The following DOP1B variants were observed in gnomAD, a reference collection of about 807,000 sequenced individuals.
DOP1B encodes DOP1 leucine zipper like protein B.
In DOP1B, 174 loss-of-function variants were observed where a neutral mutation model predicts 233.5. The ratio of observed to expected loss-of-function variants is 0.75; its 90% CI spans 0.66 to 0.85. DOP1B has a LOEUF of 0.85. DOP1B is among the 40% of genes least tolerant of loss of function. The probability of loss-of-function intolerance (pLI) is 0.00; values close to 1 mark genes in which losing one functional copy is unlikely to be tolerated. For missense variants in DOP1B, 2,652 were observed against 2,846.6 expected (o/e 0.93, Z 1.56); for synonymous variants, 1,190 against 1,185.6 (o/e 1.00, Z -0.08).
Position 36,249,086 on chromosome 21 carries a change from C to G in DOP1B, c.4998+518C>G, listed in dbSNP as rs557488465. On this transcript the variant is annotated intron_variant, in intron 21 of 36. Coordinates refer to ENST00000691173, the MANE Select transcript of DOP1B (RefSeq NM_001320714.2). Reference sequence around the variant, plus strand: ...CACCACTGCACCCCAGCCTGGGCAACAGAGCAAAACCCCATCTCAAAAAAA... The same window carrying G: ...CACCACTGCACCCCAGCCTGGGCAAGAGAGCAAAACCCCATCTCAAAAAAA... 2.6e-5 allele frequency among the ~76,000 whole-genome samples: 4 copies of G among 151,378 alleles called. No individual in the cohort carries two copies. The East Asian group carries it at 7.8e-4, about 30-fold the overall frequency.
intron 3 of DOP1B, among the ~76,000 whole-genome samples, chr21:36,199,491 G>T (rs1392707517): frequency 6.6e-6 from 1 of 151,772 alleles, no homozygotes; most frequent in Non-Finnish European, 1.5e-5. Context: ...CAACGTGCAG[G>T]TTTGTCACAC....
At chr21:36,274,580 C>A (rs1484368818) in intron 27 of DOP1B, among the ~76,000 whole-genome samples, 1 of 152,002 alleles carries the variant, frequency 6.6e-6, no homozygotes, top group Non-Finnish European at 1.5e-5. Flanking sequence ...TGGGAGGAGA[C>A]AATGTGTCCG....
chr21:36,267,051 A>G (rs2067238917), intron 26 of DOP1B, among the ~76,000 whole-genome samples: 2 of 151,960 alleles, frequency 1.3e-5, no homozygotes, highest in African/African-American at 2.4e-5. Context: ...CCTCAACACA[A>G]CTGCTGAGCC....
chr21:36,270,369 A>G (rs2067273591), intron 27 of DOP1B, among the ~76,000 whole-genome samples: 1 of 150,336 alleles, frequency 6.7e-6, no homozygotes, highest in Admixed American at 6.6e-5. Flanking sequence ...CCTGGCCAAC[A>G]TGGCGAAACC....
Position 36,245,592 on chromosome 21 carries a change from C to T in DOP1B, c.3612C>T (p.Ala1204=), listed in dbSNP as rs148801255. Residue 1204 remains alanine, a synonymous_variant, in exon 19 of 37, where the codon GCC becomes GCT. Transcript: ENST00000691173. This position sits in a 1 kb window ranked among gnomAD's most constrained non-coding sequence, Gnocchi z 5.5. ...AGGAGGCGGACTTGGAGCTCCAGGC[C>T]CTCACCACATCCAGGCTGCTAAAGC... ...SDEEADLELQ[A]LTTSRLLKQQ... is the part of the protein sequence containing the mutation. 1.2e-6 allele frequency: 2 copies of T among 1,613,402 alleles called. No individual in the cohort carries two copies. The highest frequency in any genetic ancestry group is 1.7e-6 in the Non-Finnish European group (2 of 1,179,902).
Position 36,270,126 on chromosome 21 carries a change from A to G in DOP1B, c.5601A>G (p.Leu1867=). Reference sequence around the variant, plus strand: ...TGAAGGCCCAACCTCAGGCCTCTCTAGAAGAATCTGATGCTGAGGAGGACC... The same window carrying G: ...TGAAGGCCCAACCTCAGGCCTCTCTGGAAGAATCTGATGCTGAGGAGGACC... The part of the protein sequence containing the change: ...LEVKAQPQAS[L]EESDAEEDLY... The change falls in exon 27 of 37, where the codon CTA becomes CTG. Residue 1867 remains leucine (L), a synonymous_variant. Coordinates refer to ENST00000691173, the MANE Select transcript of DOP1B (RefSeq NM_001320714.2). 1 of 1,614,164 alleles carries G rather than the reference A, an allele frequency of 6.2e-7. No homozygotes were observed. The highest frequency in any genetic ancestry group is 8.5e-7 in the Non-Finnish European group (1 of 1,180,020).
At chr21:36,271,887 C>T (rs1416632339) in intron 27 of DOP1B, among the ~76,000 whole-genome samples, 1 of 150,358 alleles carries the variant, frequency 6.7e-6, no homozygotes, top group Non-Finnish European at 1.5e-5. Flanking sequence ...AATCCCAGCA[C>T]TTTGGGAGGC....
intron 1 of DOP1B, among the ~76,000 whole-genome samples, chr21:36,158,431 G>A (rs1476444288): frequency 6.6e-6 from 1 of 152,160 alleles, no homozygotes; most frequent in Non-Finnish European, 1.5e-5. Context: ...TGTGACCTGG[G>A]CAATTTTCCG....
At chr21:36,242,440 G>A (rs537292914) in intron 18 of DOP1B, among the ~76,000 whole-genome samples, 80 of 152,172 alleles carry the variant, frequency 5.3e-4, no homozygotes, top group Admixed American at 8.5e-4. Context: ...CTCCCAAAGC[G>A]CTGGGATTAC....
intron 32 of DOP1B, among the ~76,000 whole-genome samples, chr21:36,287,143 A>C (rs751032447): frequency 2.0e-5 from 3 of 152,140 alleles, no homozygotes; most frequent in Non-Finnish European, 4.4e-5. Flanking sequence ...GGGGAGAAGC[A>C]GGGGAGAGTG....
chr21:36,258,672 G>A (rs75769536), intron 23 of DOP1B, among the ~76,000 whole-genome samples: 4,714 of 152,284 alleles, frequency 0.031, 238 homozygotes, highest in African/African-American at 0.11. Context: ...CTCTTCCTTC[G>A]TTCCAGTGTT....
In DOP1B at chr21:36,277,119, TG is replaced by T; in HGVS notation, c.5712+20del. The T allele has an allele frequency of 6.2e-7, 1 of 1,607,838 alleles. No individual in the cohort carries two copies. Among genetic ancestry groups the T allele is most frequent in the Non-Finnish European group, 8.5e-7 (1 of 1,177,736 alleles). ...GGCAGAGGTAAATACACACCTGACC[TG>T]TCGTCCTTTATGGAAATGAGCGCCA... On this transcript the variant is annotated intron_variant, in intron 28 of 36. Transcript: ENST00000691173.
chr21:36,231,172 C>G (rs1368658105), intron 14 of DOP1B, 38 bp downstream of exon 14: 1 of 1,543,928 alleles, frequency 6.5e-7, no homozygotes, highest in South Asian at 1.2e-5. Context: ...CTTTGGGAAT[C>G]ATACGATGAG....
chr21:36,230,321 ACAGGGATT>A, intron 13 of DOP1B, 121 bp from the exon 14 acceptor site: 1 of 1,169,852 alleles, frequency 8.5e-7, no homozygotes, highest in South Asian at 1.6e-5. Flanking sequence ...TACACTTAAC[ACAGGGATT>A]CTCTAGTCTG....
intron 32 of DOP1B, among the ~76,000 whole-genome samples, chr21:36,283,372 C>T (rs2067440949): frequency 4.6e-5 from 7 of 152,152 alleles, no homozygotes; most frequent in South Asian, 4.1e-4. Flanking sequence ...CATGAGCCAC[C>T]GCACCCAGCC....
Position 36,219,457 on chromosome 21 carries a change from A to T in DOP1B, c.1215A>T (p.Lys405Asn). 6.2e-7 allele frequency: 1 copy of T among 1,614,144 alleles called. No individual in the cohort carries two copies. The highest frequency in any genetic ancestry group is 8.5e-7 in the Non-Finnish European group (1 of 1,180,030). The stretch of plus-strand genomic sequence containing the variant: ...GAGATGCCCTTGGCTCTGATCTTAA[A>T]CTTAGCTACACCCAGAGTGGAAATT... ...YCRDALGSDL[K>N]LSYTQSGNSL... Residue 405 changes from lysine (K) to asparagine (N), a missense_variant, in exon 10 of 37, where the codon AAA becomes AAT. Lys to Asn is a moderately conservative substitution (Grantham distance 94, BLOSUM62 0). This residue lies in a region of DOP1B where 2,617 missense variants were observed against 2,794.3 expected (regional missense o/e 0.94). Transcript: ENST00000691173.
In DOP1B at chr21:36,287,215, A is replaced by G. The variant is rs549415980; in HGVS notation, c.6161-799A>G. ...CTCCATAGGAATGAAAGTTTTTGTCATGGCCATCAAGTTTAAACCTTACTC... is the reference window on the plus strand; with the variant it reads ...CTCCATAGGAATGAAAGTTTTTGTCGTGGCCATCAAGTTTAAACCTTACTC... On this transcript the variant is annotated intron_variant, in intron 32 of 36. Coordinates refer to ENST00000691173, the MANE Select transcript of DOP1B (RefSeq NM_001320714.2). Among the ~76,000 whole-genome samples the G allele has an allele frequency of 1.1e-3, 168 of 152,244 alleles. 1 individual carries two copies. The highest frequency in any genetic ancestry group is 3.3e-3 in the African/African-American group (139 of 41,554).
chr21:36,264,039 G>A (rs376611566), intron 26 of DOP1B, among the ~76,000 whole-genome samples: 1 of 152,226 alleles, frequency 6.6e-6, no homozygotes, highest in Admixed American at 6.5e-5. Context: ...TTGAGCAATC[G>A]ATTGTGGAAT....
intron 32 of DOP1B, 47 bp from the exon 33 acceptor site, chr21:36,287,967 C>A (rs776973355): frequency 6.3e-7 from 1 of 1,592,498 alleles, no homozygotes; most frequent in Non-Finnish European, 8.5e-7. Flanking sequence ...GATAAGAAAC[C>A]CTAAACTGCA....
Sources: gnomAD v4.1 joint callset for allele counts (sites outside exome capture counted in the v4.1 genomes callset) on GRCh38, gnomAD v4.1.1 for gene constraint, gnomAD v4.1.1 regional missense constraint, Gnocchi (gnomAD v3.1) non-coding constraint, MANE v1.5 for transcripts, NCBI Gene and HGNC (gene_info 2026-07-23, HGNC 2026-07-21) for gene names.